Variants in SC5D observed in about 807,000 individuals in gnomAD.
SC5D encodes the protein sterol-C5-desaturase.
Under a neutral mutation model 23.9 loss-of-function variants are expected in SC5D, and 21 were observed. The ratio of observed to expected loss-of-function variants is 0.88; its 90% confidence interval spans 0.62 to 1.26. The LOEUF (loss-of-function observed/expected upper bound fraction) is 1.26. SC5D is among the 50% of genes most tolerant of loss of function. The probability of loss-of-function intolerance (pLI) is 0.00; values close to 1 mark genes in which losing one functional copy is unlikely to be tolerated. For synonymous variants in SC5D, 113 were observed against 125.9 expected, an observed-to-expected ratio of 0.90 and a Z score of 0.68; for missense variants, 309 against 364.8, an observed-to-expected ratio of 0.85 and a Z score of 1.25.
Position 121,304,377 on chromosome 11 carries a change from A to G in SC5D, c.227A>G (p.Glu76Gly). ...PQFLKNQVRR[E>G]IKFTVQALPW... is the part of the protein sequence containing the mutation. Reference sequence around the variant, plus strand: ...CACTTTCAGAATCAAGTCCGTCGAGAGATTAAGTTTACTGTCCAGGCATTG... The same window carrying G: ...CACTTTCAGAATCAAGTCCGTCGAGGGATTAAGTTTACTGTCCAGGCATTG... The change falls in exon 3 of 5, where the codon GAG becomes GGG. Residue 76 changes from glutamate (E) to glycine (G), a missense_variant. By Grantham distance (98) the Glu-to-Gly change is moderately conservative (BLOSUM62 -2). Coordinates refer to ENST00000264027, the MANE Select transcript of SC5D (RefSeq NM_006918.5). The G allele has an allele frequency of 6.2e-7, 1 of 1,613,600 alleles. No homozygotes were observed. Among genetic ancestry groups the G allele is most frequent in the Non-Finnish European group, 8.5e-7 (1 of 1,179,638 alleles).
At chr11:121,294,959 C>T (rs765751993) in intron 1 of SC5D, among the ~76,000 whole-genome samples, 2 of 152,212 alleles carry the variant, frequency 1.3e-5, no homozygotes, top group Non-Finnish European at 2.9e-5. Context: ...TACACCACCT[C>T]CCTTGGCAGT....
intron 3 of SC5D, 140 bp from the exon 4 acceptor site, chr11:121,306,241 TTATAA>T: frequency 6.0e-6 from 4 of 662,542 alleles, no homozygotes; most frequent in Non-Finnish European, 2.8e-6. Flanking sequence ...AGAGATTAGT[TTATAA>T]TATACTGAAT....
intron 1 of SC5D, among the ~76,000 whole-genome samples, chr11:121,297,222 C>T (rs1006272316): frequency 2.6e-5 from 4 of 152,184 alleles, no homozygotes; most frequent in East Asian, 1.9e-4. Context: ...ATAACTCTTT[C>T]GCTCAGCTCT....
At position 121,307,466 on chromosome 11, in the gene SC5D, G is replaced by T; in HGVS notation, c.854G>T (p.Cys285Phe). Residue 285 changes from cysteine (C) to phenylalanine (F), a missense_variant, in exon 5 of 5, where the codon TGT becomes TTT. By Grantham distance (205) the Cys-to-Phe change is radical (BLOSUM62 -2). Coordinates refer to ENST00000264027, the MANE Select transcript of SC5D (RefSeq NM_006918.5). The stretch of plus-strand genomic sequence containing the variant: ...CGCAGCAGCCATTCAGGAAATGGCT[G>T]TAAGAATGAAAAATTATTCAATGGA... ...GKRSSHSGNG[C>F]KNEKLFNGEF... The T allele has an allele frequency of 6.2e-7, 1 of 1,607,776 alleles. No homozygotes were observed.
intron 1 of SC5D, among the ~76,000 whole-genome samples, chr11:121,293,322 A>G (rs1013425904): frequency 6.6e-6 from 1 of 152,188 alleles, no homozygotes; most frequent in Admixed American, 6.5e-5. Flanking sequence ...GCTGCTGAAC[A>G]CGAATGCTTT....
At position 121,307,269 on chromosome 11, in the gene SC5D, A is replaced by G; in HGVS notation, c.657A>G (p.Leu219=). ...HDGDFRVPQI[L]QPFINGSAHH... is the part of the protein sequence containing the mutation. ...GTGATTTTCGTGTCCCCCAAATCTT[A>G]CAGCCATTTATTAATGGCTCAGCTC... Residue 219 remains leucine, a synonymous_variant, in exon 5 of 5, where the codon TTA becomes TTG. Transcript: ENST00000264027. 1 of 1,614,106 alleles carries G rather than the reference A, an allele frequency of 6.2e-7. No homozygotes were observed. Among genetic ancestry groups the G allele is most frequent in the Non-Finnish European group, 8.5e-7 (1 of 1,179,920 alleles).
chr11:121,301,526 A>G (rs1947925874), intron 1 of SC5D, among the ~76,000 whole-genome samples: 1 of 152,170 alleles, frequency 6.6e-6, no homozygotes, highest in Non-Finnish European at 1.5e-5. Context: ...TGAGAGTCCT[A>G]AAAGGAGAAG....
chr11:121,306,867 C>A, intron 4 of SC5D, 190 bp from the exon 5 acceptor site: 1 of 671,936 alleles, frequency 1.5e-6, no homozygotes, highest in South Asian at 1.7e-5. Context: ...TGGAACACCA[C>A]TGCACTTGTA....
intron 1 of SC5D, among the ~76,000 whole-genome samples, chr11:121,298,887 A>T (rs1947907914): frequency 6.6e-6 from 1 of 152,150 alleles, no homozygotes; most frequent in Non-Finnish European, 1.5e-5. Context: ...AGTCAAAGGG[A>T]GTTGTTCTCT....
chr11:121,307,567 CT>C lies in SC5D; in HGVS notation c.*63del, dbSNP rs1277274719. 59 of 1,233,860 alleles carry C rather than the reference CT, an allele frequency of 4.8e-5. No homozygotes were observed. Among genetic ancestry groups the C allele is most frequent in the Non-Finnish European group, 5.8e-5 (51 of 885,848 alleles). The allele number at this position is 1,233,860 out of a possible 1,614,324, so 76.4% of individuals were successfully genotyped here. A position where few individuals can be genotyped will look rare whatever the true frequency, so the allele number is the denominator to read the frequency against. On this transcript the variant is annotated 3_prime_UTR_variant, in exon 5 of 5. Transcript: ENST00000264027. ...CAAAGAAGGAAATATCATCGTATTTCTTTTTTTTAATAAGGAAAAAATAATA... is the reference window on the plus strand; with the variant it reads ...CAAAGAAGGAAATATCATCGTATTTCTTTTTTTAATAAGGAAAAAATAATA...
At chr11:121,301,681 A>G (rs1279046021) in intron 1 of SC5D, among the ~76,000 whole-genome samples, 5 of 152,204 alleles carry the variant, frequency 3.3e-5, no homozygotes, top group Non-Finnish European at 5.9e-5. Flanking sequence ...TGATAGTGGT[A>G]ATGATTGCAT....
At position 121,313,272 on chromosome 11, in the gene SC5D, T is replaced by C. The variant is rs1948025373; in HGVS notation, c.*5760T>C. Among the ~76,000 whole-genome samples, 1 of 152,240 alleles carries C rather than the reference T, an allele frequency of 6.6e-6. No homozygotes were observed. Among genetic ancestry groups the C allele is most frequent in the South Asian group, 2.1e-4 (1 of 4,836 alleles). The stretch of plus-strand genomic sequence containing the variant: ...AGAGATATTTGCTGTTGCCTGTGTC[T>C]GTAGCTTTTTGTTTTCATTGCTGAA... On this transcript the variant is annotated 3_prime_UTR_variant, in exon 5 of 5. Transcript: ENST00000264027.
Position 121,310,207 on chromosome 11 carries a change from CAGAT to C in SC5D, c.*2699_*2702del, listed in dbSNP as rs1020163425. ...AGAACAAAGATATTTGGGATTAACA[CAGAT>C]AGAAGAAAAGTTTGAAACCATGAGA... On this transcript the variant is annotated 3_prime_UTR_variant, in exon 5 of 5. Coordinates refer to ENST00000264027, the MANE Select transcript of SC5D (RefSeq NM_006918.5). Among the ~76,000 whole-genome samples the C allele has an allele frequency of 5.8e-4, 89 of 152,192 alleles. No individual in the cohort carries two copies. The highest frequency in any genetic ancestry group is 1.7e-3 in the African/African-American group (70 of 41,502).
chr11:121,301,010 C>A (rs1254486701), intron 1 of SC5D, among the ~76,000 whole-genome samples: 1 of 152,152 alleles, frequency 6.6e-6, no homozygotes, highest in African/African-American at 2.4e-5. Flanking sequence ...GCAGGGTGGG[C>A]GGTGGTGCAT....
rs143129033 is a variant in SC5D, at chr11:121,294,171, A to G, written c.-11+1355A>G. Among the ~76,000 whole-genome samples, 140 of 152,344 alleles carry G rather than the reference A, an allele frequency of 9.2e-4. 1 individual carries two copies. Among genetic ancestry groups the G allele is most frequent in the Admixed American group, 7.3e-3 (111 of 15,302 alleles). ...CTGAGTTTTAAGAAGAAGTTTCTTT[A>G]ATTCTGCAAGGACAAAGTATTTAAG... On this transcript the variant is annotated intron_variant, in intron 1 of 4. Coordinates refer to ENST00000264027, the MANE Select transcript of SC5D (RefSeq NM_006918.5).
intron 1 of SC5D, among the ~76,000 whole-genome samples, chr11:121,295,842 C>T (rs895561310): frequency 6.6e-6 from 1 of 152,090 alleles, no homozygotes; most frequent in Non-Finnish European, 1.5e-5. Context: ...CACAGTCATC[C>T]TAGATTTCTC....
chr11:121,300,038 T>A (rs1181267262), intron 1 of SC5D, among the ~76,000 whole-genome samples: 1 of 152,198 alleles, frequency 6.6e-6, no homozygotes, highest in African/African-American at 2.4e-5. Context: ...ATGTTTTAAG[T>A]AAGAATGGTA....
chr11:121,306,554 G>C (rs761691422), intron 4 of SC5D, 68 bp downstream of exon 4: 1 of 833,054 alleles, frequency 1.2e-6, no homozygotes, highest in Admixed American at 1.8e-5. Context: ...TATAAATTCT[G>C]TTCTCTATTT....
Position 121,307,538 on chromosome 11 carries a change from A to G in SC5D, c.*26A>G. On this transcript the variant is annotated 3_prime_UTR_variant, in exon 5 of 5. Coordinates refer to ENST00000264027, the MANE Select transcript of SC5D (RefSeq NM_006918.5). ...ATTATTGCCCAGTTATTCTTAAGTA[A>G]GGACAAAGAAGGAAATATCATCGTA... 7.0e-7 allele frequency: 1 copy of G among 1,428,712 alleles called. No individual in the cohort carries two copies. The allele number at this position is 1,428,712 out of a possible 1,614,324, so 88.5% of individuals were successfully genotyped here. A position where few individuals can be genotyped will look rare whatever the true frequency, so the allele number is the denominator to read the frequency against.
Sources: gnomAD v4.1 joint callset for allele counts (sites outside exome capture counted in the v4.1 genomes callset) on GRCh38, gnomAD v4.1.1 for gene constraint, MANE v1.5 for transcripts, NCBI Gene and HGNC (gene_info 2026-07-23, HGNC 2026-07-21) for gene names.